GFRA2: variants seen among roughly 807,000 people sequenced by gnomAD.
GFRA2 encodes GDNF family receptor alpha-2.
In GFRA2, 17 loss-of-function variants were observed where a neutral mutation model predicts 48.3. That is an observed-to-expected ratio of 0.35 (90% confidence interval 0.24 to 0.53). The LOEUF (loss-of-function observed/expected upper bound fraction) is 0.53, where lower values mean the gene tolerates loss of function less well. GFRA2 is among the 20% of genes least tolerant of loss of function. The probability of loss-of-function intolerance (pLI) is 0.93; values close to 1 mark genes in which losing one functional copy is unlikely to be tolerated. For missense variants in GFRA2, 660 were observed against 637.3 expected (o/e 1.04, Z -0.38); for synonymous variants, 305 against 257.2 (o/e 1.19, Z -1.78).
At chr8:21,726,750 ATTT>A (rs35319026) in intron 4 of GFRA2, among the ~76,000 whole-genome samples, 6 of 113,122 alleles carry the variant, frequency 5.3e-5, no homozygotes, top group African/African-American at 1.0e-4. Flanking sequence ...CAAACACCCT[ATTT>A]TTTTTTTTTT....
At chr8:21,720,075 C>T (rs1433406912) in intron 4 of GFRA2, among the ~76,000 whole-genome samples, 1 of 152,206 alleles carries the variant, frequency 6.6e-6, no homozygotes, top group Non-Finnish European at 1.5e-5. Flanking sequence ...ATGTGTTTCT[C>T]AGCCTCACAA....
chr8:21,809,579 G>A lies in GFRA2; in HGVS notation c.-148+2652C>T, dbSNP rs370693613. Among the ~76,000 whole-genome samples the A allele has an allele frequency of 1.4e-4, 22 of 152,086 alleles. 1 individual carries two copies. The South Asian group carries it at 4.2e-3, about 29-fold the overall frequency. ...CCTGACCTCGTGATCCGCCCGCCTC[G>A]GCCTCCCAAAGTGCTAGGATTACAG... On this transcript the variant is annotated intron_variant, in intron 1 of 10. Transcript: ENST00000517328.
chr8:21,760,360 G>A (rs917427491), intron 3 of GFRA2, among the ~76,000 whole-genome samples: 1 of 152,196 alleles, frequency 6.6e-6, no homozygotes, highest in Non-Finnish European at 1.5e-5. Flanking sequence ...GGAGGCTGGG[G>A]TGGGGTGGTG....
chr8:21,776,037 G>GTTGTGTGTGTA (rs1554496517), intron 2 of GFRA2, among the ~76,000 whole-genome samples: 21 of 139,790 alleles, frequency 1.5e-4, no homozygotes, highest in African/African-American at 5.4e-4. Flanking sequence ...GTGTGTGTGT[G>GTTGTGTGTGTA]TGTAGTGAAA....
intron 2 of GFRA2, among the ~76,000 whole-genome samples, chr8:21,796,193 A>C (rs1807672931): frequency 6.6e-6 from 1 of 152,176 alleles, no homozygotes; most frequent in Non-Finnish European, 1.5e-5. Flanking sequence ...TACTGGCTAC[A>C]CCCCAGCCTT....
At chr8:21,754,547 C>A (rs1391328378) in intron 3 of GFRA2, among the ~76,000 whole-genome samples, 1 of 125,818 alleles carries the variant, frequency 7.9e-6, no homozygotes, top group Admixed American at 9.5e-5. Context: ...TTGCTCTTGT[C>A]GCCCAGGCGG....
At chr8:21,737,503 G>T (rs796692004) in intron 4 of GFRA2, among the ~76,000 whole-genome samples, 1 of 152,194 alleles carries the variant, frequency 6.6e-6, no homozygotes. Flanking sequence ...GGACTGGTAG[G>T]TGTGGTGCCT....
chr8:21,707,211 A>T (rs1197920823), intron 4 of GFRA2, among the ~76,000 whole-genome samples: 1 of 152,180 alleles, frequency 6.6e-6, no homozygotes, highest in Admixed American at 6.5e-5. Context: ...TGCAGGATGG[A>T]CCAGAACCCA....
chr8:21,694,385 G>A (rs997259545), intron 8 of GFRA2, 79 bp downstream of exon 8: 80 of 1,368,180 alleles, frequency 5.8e-5, no homozygotes, highest in Non-Finnish European at 8.0e-5. Flanking sequence ...GAGGGCGCTG[G>A]ATCTGAGGCT....
intron 2 of GFRA2, among the ~76,000 whole-genome samples, chr8:21,782,342 T>C (rs2117071150): frequency 1.1e-5 from 1 of 94,624 alleles, no homozygotes; most frequent in African/African-American, 4.2e-5. Context: ...ACCACCTCCC[T>C]CTCTCCTCCT....
intron 4 of GFRA2, chr8:21,706,328 C>A (rs982676294): frequency 3.6e-6 from 2 of 554,044 alleles, no homozygotes; most frequent in East Asian, 4.4e-5. Context: ...ACAGCCTGCT[C>A]TAAATGGCTC....
chr8:21,752,132 T>C (rs551887003), intron 3 of GFRA2, among the ~76,000 whole-genome samples: 36 of 152,272 alleles, frequency 2.4e-4, no homozygotes, highest in African/African-American at 7.9e-4. Context: ...ATGATTTTGC[T>C]GTCTTCTAGA....
At position 21,735,792 on chromosome 8, in the gene GFRA2, GA is replaced by G. The variant is rs541150317; in HGVS notation, c.794+14795del. ...AGCCGTCCTCCCATCTCAGCTTCCT[GA>G]GTAGCCGGGACTACGGGCCCATGCC... On this transcript the variant is annotated intron_variant, in intron 4 of 8. Coordinates refer to ENST00000524240, the MANE Select transcript of GFRA2 (RefSeq NM_001495.5). 2.0e-4 allele frequency among the ~76,000 whole-genome samples: 31 copies of G among 151,668 alleles called. 1 individual carries two copies. In the South Asian group the frequency reaches 6.3e-3, roughly 31 times the overall value.
At chr8:21,732,406 C>T (rs989562957) in intron 4 of GFRA2, among the ~76,000 whole-genome samples, 1 of 152,200 alleles carries the variant, frequency 6.6e-6, no homozygotes, top group Non-Finnish European at 1.5e-5. Flanking sequence ...AAGGCACTGG[C>T]AGCTACAGAA....
chr8:21,733,178 A>G (rs11986934), intron 4 of GFRA2, among the ~76,000 whole-genome samples: 3,088 of 152,036 alleles, frequency 0.02, 106 homozygotes, highest in African/African-American at 0.07. Context: ...AGGAGATGCC[A>G]CCCCCTGAAA....
chr8:21,805,355 A>G (rs1807840213), intron 1 of GFRA2, among the ~76,000 whole-genome samples: 1 of 152,192 alleles, frequency 6.6e-6, no homozygotes, highest in South Asian at 2.1e-4. Context: ...GCTCCATGAG[A>G]GCAGGGGACA....
intron 7 of GFRA2, among the ~76,000 whole-genome samples, chr8:21,698,053 G>A (rs1802296913): frequency 6.6e-6 from 1 of 152,190 alleles, no homozygotes; most frequent in Non-Finnish European, 1.5e-5. Flanking sequence ...ACAGAGGGGA[G>A]AGAAGCCTGC....
intron 4 of GFRA2, among the ~76,000 whole-genome samples, chr8:21,748,350 T>C (rs1314724827): frequency 6.6e-6 from 1 of 152,166 alleles, no homozygotes; most frequent in African/African-American, 2.4e-5. Context: ...CATTCATTTA[T>C]CCATTCAACT....
intron 3 of GFRA2, among the ~76,000 whole-genome samples, chr8:21,774,246 G>A (rs1585327002): frequency 1.3e-5 from 2 of 151,710 alleles, no homozygotes; most frequent in Admixed American, 6.6e-5. Context: ...AGATGCCAGA[G>A]AGAACAAAGC....
Sources: gnomAD v4.1 joint callset for allele counts (sites outside exome capture counted in the v4.1 genomes callset) on GRCh38, gnomAD v4.1.1 for gene constraint, MANE v1.5 for transcripts, NCBI Gene and HGNC (gene_info 2026-07-23, HGNC 2026-07-21) for gene names.